Variants in IL1RAPL1 observed in about 807,000 individuals in gnomAD.
IL1RAPL1 encodes interleukin-1 receptor accessory protein-like 1.
IL1RAPL1 carries 3 observed loss-of-function variants against 48.4 expected under a neutral mutation model. That is an observed-to-expected ratio of 0.06 (90% CI 0.03 to 0.16). The LOEUF is 0.16. Ranked by LOEUF, IL1RAPL1 falls within the 10% of genes least tolerant of loss-of-function variation. The probability of loss-of-function intolerance (pLI) is 1.00; values close to 1 mark genes in which losing one functional copy is unlikely to be tolerated. For missense variants in IL1RAPL1, 349 were observed against 530.6 expected, an observed-to-expected ratio of 0.66 and a Z score of 3.36; for synonymous variants, 185 against 187.7, an observed-to-expected ratio of 0.99 and a Z score of 0.12.
intron 2 of IL1RAPL1, among the ~76,000 whole-genome samples, chrX:29,209,240 A>G (rs1268655813): frequency 8.9e-6 from 1 of 112,010 alleles, no homozygotes; most frequent in African/African-American, 3.2e-5. Flanking sequence ...TGCATACTGC[A>G]TTTCATTTCC....
chrX:29,920,400 C>A (rs779555641), intron 8 of IL1RAPL1, among the ~76,000 whole-genome samples: 1 of 111,100 alleles, frequency 9.0e-6, no homozygotes, highest in Admixed American at 9.6e-5. Flanking sequence ...TAGTATCAAC[C>A]CTTCAGTATG....
chrX:29,230,486 T>C (rs1931168683), intron 2 of IL1RAPL1, among the ~76,000 whole-genome samples: 1 of 67,308 alleles, frequency 1.5e-5, no homozygotes, highest in African/African-American at 7.0e-5. Flanking sequence ...AGATGCTCTA[T>C]CATTATGGTC....
intron 6 of IL1RAPL1, among the ~76,000 whole-genome samples, chrX:29,864,598 A>C (rs188433838): frequency 8.9e-6 from 1 of 112,139 alleles, no homozygotes; most frequent in East Asian, 2.8e-4. Flanking sequence ...AAGAGGGTAT[A>C]CAAATCTAGT....
intron 2 of IL1RAPL1, among the ~76,000 whole-genome samples, chrX:29,081,557 A>G (rs1927844631): frequency 1.8e-5 from 2 of 111,537 alleles, no homozygotes; most frequent in African/African-American, 3.3e-5. Context: ...GTTAATCTAT[A>G]TTGTCCAAAG....
intron 1 of IL1RAPL1, among the ~76,000 whole-genome samples, chrX:28,766,472 T>C (rs1471396474): frequency 1.8e-5 from 2 of 111,340 alleles, no homozygotes; most frequent in Non-Finnish European, 3.8e-5. Context: ...AGACATGCAA[T>C]GTGAAATAAT....
intron 5 of IL1RAPL1, among the ~76,000 whole-genome samples, chrX:29,507,854 T>C (rs925290814): frequency 2.7e-5 from 3 of 111,673 alleles, no homozygotes; most frequent in Admixed American, 9.5e-5. Context: ...TAGAGAAAAG[T>C]CTATTGAAAA....
chrX:28,924,471 A>T (rs773626257), intron 2 of IL1RAPL1, among the ~76,000 whole-genome samples: 1 of 112,181 alleles, frequency 8.9e-6, no homozygotes, highest in South Asian at 3.7e-4. Context: ...GAATAGAAGT[A>T]CATTGAATCA....
rs750117183 is a variant in IL1RAPL1 at position 29,525,272 on chromosome X, A to G, written c.703+125964A>G. Among the ~76,000 whole-genome samples, 109 of 112,378 alleles carry G rather than the reference A, an allele frequency of 9.7e-4. 2 individuals are homozygous for G. Among genetic ancestry groups the G allele is most frequent in the Middle Eastern group, 4.6e-3 (1 of 218 alleles). Reference sequence around the variant, plus strand: ...AATACCTTACTGAATCTGATGCCCAATGAATTTTAACTGTTTTTAAAGTTC... The same window carrying G: ...AATACCTTACTGAATCTGATGCCCAGTGAATTTTAACTGTTTTTAAAGTTC... On this transcript the variant is annotated intron_variant, in intron 5 of 10. Coordinates refer to ENST00000378993, the MANE Select transcript of IL1RAPL1 (RefSeq NM_014271.4).
rs751457024 is a variant in IL1RAPL1, at chrX:29,560,662, G to A, written c.704-107768G>A. Reference sequence around the variant, plus strand: ...CTTTATCACGTCTGCTATTTATGCTGTTCATTGTATTCATTATATTCTTCA... The same window carrying A: ...CTTTATCACGTCTGCTATTTATGCTATTCATTGTATTCATTATATTCTTCA... On this transcript the variant is annotated intron_variant, in intron 5 of 10. Coordinates refer to ENST00000378993, the MANE Select transcript of IL1RAPL1 (RefSeq NM_014271.4). Among the ~76,000 whole-genome samples the A allele has an allele frequency of 7.2e-5, 8 of 111,568 alleles. No individual in the cohort carries two copies. The South Asian group carries it at 3.0e-3, about 42-fold the overall frequency.
chrX:28,764,563 A>G (rs1313257450), intron 1 of IL1RAPL1, among the ~76,000 whole-genome samples: 3 of 111,420 alleles, frequency 2.7e-5, no homozygotes, highest in Non-Finnish European at 5.6e-5. Flanking sequence ...ATTCTACAAC[A>G]TTAAGATTTT....
At chrX:29,064,096 A>G (rs1295407639) in intron 2 of IL1RAPL1, among the ~76,000 whole-genome samples, 2 of 111,873 alleles carry the variant, frequency 1.8e-5, no homozygotes, top group African/African-American at 3.2e-5. Context: ...GGGCAGAGAG[A>G]AAGAAGACAC....
At chrX:29,917,178 T>C (rs2147237581) in intron 6 of IL1RAPL1, among the ~76,000 whole-genome samples, 1 of 112,190 alleles carries the variant, frequency 8.9e-6, no homozygotes, top group South Asian at 3.7e-4. Flanking sequence ...CTCAATCTAA[T>C]CATGAGAAAA....
chrX:28,634,029 G>A (rs752377843), intron 1 of IL1RAPL1, among the ~76,000 whole-genome samples: 13 of 109,372 alleles, frequency 1.2e-4, no homozygotes, highest in East Asian at 2.9e-4. Context: ...TAACTGAGAC[G>A]CAATCTCATT....
intron 3 of IL1RAPL1, among the ~76,000 whole-genome samples, chrX:29,366,854 A>T (rs139722336): frequency 0.015 from 1,719 of 111,411 alleles, 25 homozygotes; most frequent in African/African-American, 0.054. Context: ...GGCGTGAGCC[A>T]CTGCGCCCGG....
chrX:29,300,101 G>A (rs187890744), intron 3 of IL1RAPL1, among the ~76,000 whole-genome samples: 3 of 111,754 alleles, frequency 2.7e-5, no homozygotes, highest in African/African-American at 9.8e-5. Context: ...CATGCTTTTC[G>A]TACAGCCTTC....
At chrX:29,763,103 C>T (rs1475613020) in intron 6 of IL1RAPL1, among the ~76,000 whole-genome samples, 1 of 104,379 alleles carries the variant, frequency 9.6e-6, no homozygotes, top group Non-Finnish European at 2.0e-5. Context: ...TTAAATTGGT[C>T]CATCATGGTA....
intron 1 of IL1RAPL1, among the ~76,000 whole-genome samples, chrX:28,709,561 C>T (rs1473374935): frequency 9.0e-6 from 1 of 110,725 alleles, no homozygotes; most frequent in East Asian, 2.8e-4. Context: ...GAAGGGTGTG[C>T]TATAGATGAA....
chrX:28,768,729 G>GTCTCTCTCTCTCTCTC (rs1203182036), intron 1 of IL1RAPL1, among the ~76,000 whole-genome samples: 2 of 50,717 alleles, frequency 3.9e-5, no homozygotes, highest in Admixed American at 3.0e-4. Flanking sequence ...CTCTCTCTCT[G>GTCTCTCTCTCTCTCTC]TCTCTCTCTC....
At chrX:29,376,907 T>A (rs1933631724) in intron 3 of IL1RAPL1, among the ~76,000 whole-genome samples, 1 of 112,065 alleles carries the variant, frequency 8.9e-6, no homozygotes, top group African/African-American at 3.2e-5. Flanking sequence ...TGGTTGAGTG[T>A]CAAGTATAAG....
Sources: gnomAD v4.1 joint callset for allele counts (sites outside exome capture counted in the v4.1 genomes callset) on GRCh38, gnomAD v4.1.1 for gene constraint, MANE v1.5 for transcripts, NCBI Gene and HGNC (gene_info 2026-07-23, HGNC 2026-07-21) for gene names.